Variants in TBCE observed in about 807,000 individuals in gnomAD.
TBCE encodes tubulin-specific chaperone E.
Under a neutral mutation model 77.0 loss-of-function variants are expected in TBCE, and 53 were observed. That is an observed-to-expected ratio of 0.69 (90% CI 0.55 to 0.87). The LOEUF (loss-of-function observed/expected upper bound fraction) is 0.87. Among genes scored for constraint, TBCE ranks in the 40% least tolerant of loss-of-function variants. TBCE has a pLI of 0.00. For synonymous variants in TBCE, 235 were observed against 241.3 expected, an observed-to-expected ratio of 0.97 and a Z score of 0.24; for missense variants, 624 against 622.4, an observed-to-expected ratio of 1.00 and a Z score of -0.03.
intron 6 of TBCE, 63 bp downstream of exon 6, chr1:235,427,302 C>T: frequency 6.3e-6 from 8 of 1,262,136 alleles, no homozygotes; most frequent in Non-Finnish European, 9.2e-6. Context: ...TGCTTCCTCA[C>T]AGCATCTCTG....
rs1482097686 is a variant in TBCE at position 235,450,072 on chromosome 1, C to G, written c.*1310C>G. 1.2e-5 allele frequency: 13 copies of G among 1,076,416 alleles called. No homozygotes were observed. Among genetic ancestry groups the G allele is most frequent in the Non-Finnish European group, 1.7e-5 (13 of 744,044 alleles). 66.7% of individuals were successfully genotyped at this position (1,076,416 alleles called of 1,614,324 possible). ...AACATTAAGAAACACCGCATTGGTT[C>G]TGGGTGAAAGTGCCAGTCTGGAACT... On this transcript the variant is annotated 3_prime_UTR_variant, in exon 17 of 17. Transcript: ENST00000642610.
chr1:235,390,086 A>G lies in TBCE; in HGVS notation c.100+9937A>G, dbSNP rs191522090. ...GGTTGCAGTGAGACGAAATGGCATC[A>G]CTCCATTCCAGCCTGGGTGACAGAG... On this transcript the variant is annotated intron_variant, in intron 2 of 16. Coordinates refer to ENST00000642610, the MANE Select transcript of TBCE (RefSeq NM_003193.5). Among the ~76,000 whole-genome samples the G allele has an allele frequency of 6.6e-5, 10 of 151,780 alleles. No individual in the cohort carries two copies. In the East Asian group the frequency reaches 1.7e-3, roughly 27 times the overall value.
chr1:235,400,318 T>A (rs1400982734), intron 2 of TBCE, among the ~76,000 whole-genome samples: 1 of 152,124 alleles, frequency 6.6e-6, no homozygotes, highest in Non-Finnish European at 1.5e-5. Context: ...CCTTGTATCT[T>A]TAGGCTTCTA....
rs145865676 is a variant in TBCE, at chr1:235,437,422, G to A, written c.1064G>A (p.Arg355Gln). The A allele has an allele frequency of 7.1e-5, 114 of 1,613,944 alleles. No homozygotes were observed. The highest frequency in any genetic ancestry group is 1.2e-4 in the African/African-American group (9 of 74,878). The change falls in exon 12 of 17, where the codon CGA becomes CAA. Residue 355 changes from arginine to glutamine, a missense_variant. By Grantham distance (43) the Arg-to-Gln change is conservative (BLOSUM62 1). Coordinates refer to ENST00000642610, the MANE Select transcript of TBCE (RefSeq NM_003193.5). Reference sequence around the variant, plus strand: ...GAGGACAAAGAAGCAGAGACGGCGCGACTACTCATTATCGCCAGCATTGGC... The same window carrying A: ...GAGGACAAAGAAGCAGAGACGGCGCAACTACTCATTATCGCCAGCATTGGC... ...TKEDKEAETA[R>Q]LLIIASIGQL... is the part of the protein sequence containing the mutation.
chr1:235,408,091 G>A (rs767383823), intron 3 of TBCE, among the ~76,000 whole-genome samples: 2 of 152,170 alleles, frequency 1.3e-5, no homozygotes, highest in Non-Finnish European at 2.9e-5. Context: ...GAGAGGTCGT[G>A]CTGTTCCAGC....
Position 235,436,990 on chromosome 1 carries a change from G to A in TBCE, c.964-332G>A, listed in dbSNP as rs187411609. The stretch of plus-strand genomic sequence containing the variant: ...AAAAAAATCGCAAAATTAACCGGGC[G>A]TGGTGGCGCATGCCTGTAATCCCAG... On this transcript the variant is annotated intron_variant, in intron 11 of 16. Transcript: ENST00000642610. Among the ~76,000 whole-genome samples the A allele has an allele frequency of 4.4e-3, 669 of 152,054 alleles. 4 individuals carry two copies. The highest frequency in any genetic ancestry group is 0.015 in the African/African-American group (634 of 41,454).
chr1:235,397,702 G>T (rs1678827174), intron 2 of TBCE, among the ~76,000 whole-genome samples: 1 of 152,184 alleles, frequency 6.6e-6, no homozygotes, highest in African/African-American at 2.4e-5. Flanking sequence ...TAATCATTGT[G>T]AATTAATAAA....
intron 5 of TBCE, among the ~76,000 whole-genome samples, chr1:235,424,987 T>C (rs998196794): frequency 6.6e-6 from 1 of 152,144 alleles, no homozygotes; most frequent in African/African-American, 2.4e-5. Context: ...CTCAGTCGCT[T>C]CTGTGGGACC....
chr1:235,422,451 G>C (rs1680448377), intron 5 of TBCE, among the ~76,000 whole-genome samples: 1 of 150,756 alleles, frequency 6.6e-6, no homozygotes, highest in Non-Finnish European at 1.5e-5. Flanking sequence ...GGGAGGCAGA[G>C]ATTGCAGTGA....
intron 5 of TBCE, among the ~76,000 whole-genome samples, chr1:235,421,406 A>T (rs891017492): frequency 6.6e-6 from 1 of 152,032 alleles, no homozygotes; most frequent in African/African-American, 2.4e-5. Context: ...CCCCGTTTCT[A>T]TTAAGAAATT....
intron 16 of TBCE, 22 bp downstream of exon 16, chr1:235,448,462 A>T (rs546640124): frequency 1.2e-6 from 2 of 1,605,706 alleles, no homozygotes; most frequent in African/African-American, 2.7e-5. Flanking sequence ...AGCAAAATAC[A>T]AAGTCAAAGT....
chr1:235,389,221 C>G (rs1459124955), intron 2 of TBCE, among the ~76,000 whole-genome samples: 1 of 152,176 alleles, frequency 6.6e-6, no homozygotes, highest in Non-Finnish European at 1.5e-5. Context: ...ATTAAATTGC[C>G]TGTGAATGTG....
chr1:235,448,236 A>T, intron 15 of TBCE, 113 bp from the exon 16 acceptor site: 1 of 833,376 alleles, frequency 1.2e-6, no homozygotes. Flanking sequence ...AAAAAAAAAA[A>T]AAAAGACAGA....
chr1:235,378,706 G>C (rs770192362), intron 1 of TBCE, among the ~76,000 whole-genome samples: 18 of 152,002 alleles, frequency 1.2e-4, no homozygotes, highest in Non-Finnish European at 2.2e-4. Flanking sequence ...AATTAGCTGG[G>C]TATGGTGGCG....
chr1:235,383,931 C>T (rs2102820913), intron 2 of TBCE, among the ~76,000 whole-genome samples: 1 of 152,224 alleles, frequency 6.6e-6, no homozygotes, highest in East Asian at 1.9e-4. Flanking sequence ...TTTGTCCATT[C>T]AGTATGATAT....
At chr1:235,401,075 A>G (rs114857798) in intron 2 of TBCE, among the ~76,000 whole-genome samples, 97 of 151,788 alleles carry the variant, frequency 6.4e-4, no homozygotes, top group African/African-American at 2.3e-3. Flanking sequence ...CCACTTTTCA[A>G]TTTAACATTT....
rs772867597 is a variant in TBCE, at chr1:235,436,534, C to G, written c.899-10C>G. The G allele has an allele frequency of 1.2e-6, 2 of 1,613,692 alleles. No homozygotes were observed. The highest frequency in any genetic ancestry group is 1.7e-6 in the Non-Finnish European group (2 of 1,179,772). On this transcript the variant is annotated splice_polypyrimidine_tract_variant and intron_variant, in intron 10 of 16. Transcript: ENST00000642610. ...ACTTCTACTGTGTAACTTCATTCCT[C>G]TTTTTATAGGGTGCAAAACGTCCAT...
chr1:235,405,999 C>T (rs1442387617), intron 3 of TBCE, among the ~76,000 whole-genome samples: 1 of 152,216 alleles, frequency 6.6e-6, no homozygotes, highest in East Asian at 1.9e-4. Flanking sequence ...CTTGGAATAA[C>T]TGCTTACTTC....
intron 2 of TBCE, among the ~76,000 whole-genome samples, chr1:235,400,424 G>T (rs1351585270): frequency 1.8e-4 from 3 of 16,352 alleles, no homozygotes; most frequent in East Asian, 1.5e-3. Context: ...TTTTTGAGAT[G>T]GAGTCTCGCC....
Sources: allele counts gnomAD v4.1 joint callset (sites outside exome capture counted in the v4.1 genomes callset), GRCh38; gene constraint gnomAD v4.1.1; transcripts MANE v1.5; gene names NCBI Gene and HGNC (gene_info 2026-07-23, HGNC 2026-07-21).